The following FRMD4A variants were observed in gnomAD, a reference collection of about 807,000 sequenced individuals.
FRMD4A encodes the protein FERM domain containing 4A, also known as FERM domain-containing protein 4A.
A neutral mutation model predicts 129.1 loss-of-function variants in FRMD4A; 29 were observed. The observed-to-expected ratio is 0.22, with a 90% CI of 0.17 to 0.31. The LOEUF (loss-of-function observed/expected upper bound fraction) is 0.31, where lower values mean the gene tolerates loss of function less well. Among genes scored for constraint, FRMD4A ranks in the 10% least tolerant of loss-of-function variants. FRMD4A has a pLI of 1.00. For missense variants in FRMD4A, 1,272 were observed against 1,375.8 expected (o/e 0.92, Z 1.19); for synonymous variants, 634 against 571.6 (o/e 1.11, Z -1.56).
intron 2 of FRMD4A, among the ~76,000 whole-genome samples, chr10:14,224,711 A>G (rs1172958299): frequency 2.6e-5 from 4 of 152,200 alleles, no homozygotes; most frequent in Admixed American, 6.5e-5. Flanking sequence ...AGCTTAAAAG[A>G]GTCTCTCATT....
chr10:14,262,629 C>A (rs1761561983), intron 2 of FRMD4A, among the ~76,000 whole-genome samples: 3 of 152,100 alleles, frequency 2.0e-5, no homozygotes, highest in Admixed American at 6.5e-5. Context: ...GAGTTAAAGA[C>A]ACACAAAAGG....
chr10:14,311,246 A>C (rs568699163), intron 2 of FRMD4A, among the ~76,000 whole-genome samples: 1 of 152,140 alleles, frequency 6.6e-6, no homozygotes, highest in Non-Finnish European at 1.5e-5. Flanking sequence ...GCAGTCCCTA[A>C]TTGAAGAAGA....
intron 8 of FRMD4A, among the ~76,000 whole-genome samples, chr10:13,750,802 C>T (rs1362786875): frequency 3.9e-5 from 6 of 152,138 alleles, no homozygotes; most frequent in South Asian, 4.1e-4. Flanking sequence ...GATTTTCAAA[C>T]GGGTAAACTC....
intron 2 of FRMD4A, among the ~76,000 whole-genome samples, chr10:13,946,234 C>CT (rs2095330352): frequency 1.3e-5 from 2 of 152,176 alleles, no homozygotes; most frequent in Non-Finnish European, 2.9e-5. Context: ...CTGCTGGACT[C>CT]TTTAGGCAGA....
chr10:13,735,765 G>C (rs919834107), intron 12 of FRMD4A, among the ~76,000 whole-genome samples: 2 of 152,218 alleles, frequency 1.3e-5, no homozygotes, highest in African/African-American at 4.8e-5. Context: ...CTACAGGCAA[G>C]AGAGAGCTCA....
chr10:13,968,505 C>T (rs780978425), intron 2 of FRMD4A, among the ~76,000 whole-genome samples: 3 of 152,188 alleles, frequency 2.0e-5, no homozygotes, highest in African/African-American at 2.4e-5. Flanking sequence ...CAGGCTGGAG[C>T]GCAATGGTGC....
At chr10:14,156,016 G>T (rs1335310151) in intron 2 of FRMD4A, among the ~76,000 whole-genome samples, 1 of 152,166 alleles carries the variant, frequency 6.6e-6, no homozygotes, top group African/African-American at 2.4e-5. Context: ...TCACAGCCCA[G>T]CAATTTCCCT....
intron 2 of FRMD4A, among the ~76,000 whole-genome samples, chr10:14,176,596 TC>T (rs1272339000): frequency 1.3e-5 from 2 of 149,000 alleles, no homozygotes; most frequent in African/African-American, 4.9e-5. Flanking sequence ...TGCCTCAGCC[TC>T]CCGAGTAGCT....
intron 2 of FRMD4A, among the ~76,000 whole-genome samples, chr10:14,258,953 ACT>A (rs1275005378): frequency 6.6e-6 from 1 of 152,214 alleles, no homozygotes; most frequent in African/African-American, 2.4e-5. Context: ...AGTAGTGGAA[ACT>A]ACTGTATAAA....
chr10:13,711,378 G>C (rs549546897), intron 12 of FRMD4A, among the ~76,000 whole-genome samples: 1 of 152,346 alleles, frequency 6.6e-6, no homozygotes, highest in South Asian at 2.1e-4. Flanking sequence ...GGTAAGGTGG[G>C]CTCTGACTGA....
intron 2 of FRMD4A, among the ~76,000 whole-genome samples, chr10:14,070,837 G>C (rs913431958): frequency 6.6e-6 from 1 of 152,148 alleles, no homozygotes. Flanking sequence ...TCAGGACTGG[G>C]GAGAAAGGTA....
intron 2 of FRMD4A, among the ~76,000 whole-genome samples, chr10:14,266,143 T>C (rs538384721): frequency 1.4e-5 from 2 of 138,054 alleles, no homozygotes; most frequent in Non-Finnish European, 1.5e-5. Flanking sequence ...TCTGGACTGG[T>C]GAATTCTTTG....
intron 2 of FRMD4A, among the ~76,000 whole-genome samples, chr10:13,922,942 G>C (rs79746776): frequency 0.1 from 15,210 of 152,174 alleles, 1,071 homozygotes; most frequent in Non-Finnish European, 0.13. Flanking sequence ...AGGATTATAA[G>C]CAACTGTGAG....
chr10:14,299,988 G>A (rs1242030591), intron 2 of FRMD4A, among the ~76,000 whole-genome samples: 2 of 151,994 alleles, frequency 1.3e-5, no homozygotes, highest in Non-Finnish European at 2.9e-5. Context: ...AGTGCAAAGT[G>A]AAGGCTGAAG....
chr10:14,217,336 G>A (rs1488146373), intron 2 of FRMD4A, among the ~76,000 whole-genome samples: 2 of 152,110 alleles, frequency 1.3e-5, no homozygotes, highest in African/African-American at 4.8e-5. Context: ...GGACCCAGTG[G>A]GAGATCACTG....
intron 2 of FRMD4A, among the ~76,000 whole-genome samples, chr10:13,901,615 A>C (rs918208613): frequency 6.6e-6 from 1 of 152,162 alleles, no homozygotes; most frequent in Non-Finnish European, 1.5e-5. Context: ...TCTCAAAAAA[A>C]AAAAAAAAAA....
chr10:13,866,975 T>C (rs922236945), intron 2 of FRMD4A, among the ~76,000 whole-genome samples: 6 of 152,260 alleles, frequency 3.9e-5, no homozygotes, highest in African/African-American at 7.2e-5. Context: ...AAAAATTAGA[T>C]ACATACAGAT....
At chr10:13,872,263 G>T (rs1402610409) in intron 2 of FRMD4A, among the ~76,000 whole-genome samples, 1 of 152,226 alleles carries the variant, frequency 6.6e-6, no homozygotes, top group African/African-American at 2.4e-5. Flanking sequence ...TTCTGGGCAG[G>T]TGGCATTGGG....
chr10:14,040,196 C>T (rs1241225404), intron 2 of FRMD4A, among the ~76,000 whole-genome samples: 5 of 152,076 alleles, frequency 3.3e-5, no homozygotes, highest in Admixed American at 1.3e-4. Context: ...CCTCTGGCTC[C>T]GGGGTCAGTG....
Sources: allele counts gnomAD v4.1 joint callset (sites outside exome capture counted in the v4.1 genomes callset), GRCh38; gene constraint gnomAD v4.1.1; transcripts MANE v1.5; gene names NCBI Gene and HGNC (gene_info 2026-07-23, HGNC 2026-07-21).